Variants in DACH2 observed in about 807,000 individuals in gnomAD.
DACH2 encodes the protein dachshund homolog 2.
In DACH2, 17 loss-of-function variants were observed where a neutral mutation model predicts 35.8. The observed-to-expected ratio is 0.48, with a 90% confidence interval of 0.33 to 0.71. The LOEUF is 0.71. Ranked by LOEUF, DACH2 falls within the 30% of genes least tolerant of loss-of-function variation. DACH2 has a pLI of 0.02. For synonymous variants in DACH2, 195 were observed against 177.3 expected (o/e 1.10, Z -0.79); for missense variants, 469 against 472.7 (o/e 0.99, Z 0.07).
chrX:86,310,212 C>G (rs1190794062), intron 1 of DACH2, among the ~76,000 whole-genome samples: 2 of 112,215 alleles, frequency 1.8e-5, no homozygotes, highest in Non-Finnish European at 3.8e-5. Context: ...TGCTTTCTGA[C>G]CCATCTAGCC....
chrX:86,806,036 T>G (rs2042341224), intron 7 of DACH2, among the ~76,000 whole-genome samples: 1 of 111,781 alleles, frequency 8.9e-6, no homozygotes, highest in African/African-American at 3.3e-5. Flanking sequence ...CCAAAGCTGC[T>G]TCCACGTTTT....
chrX:86,723,334 A>AT (rs60142099), intron 6 of DACH2, among the ~76,000 whole-genome samples: 26,498 of 96,185 alleles, frequency 0.28, 3,077 homozygotes, highest in Admixed American at 0.46. Flanking sequence ...CCTTCTGCTA[A>AT]TTTTTTTTTT....
intron 3 of DACH2, among the ~76,000 whole-genome samples, chrX:86,596,845 A>G (rs2148354463): frequency 9.0e-6 from 1 of 111,670 alleles, no homozygotes; most frequent in South Asian, 3.7e-4. Context: ...AAAGTTTTAT[A>G]GCTTTAGCTG....
chrX:86,705,459 G>T (rs909277743), intron 5 of DACH2, among the ~76,000 whole-genome samples: 2 of 110,800 alleles, frequency 1.8e-5, no homozygotes, highest in African/African-American at 6.6e-5. Context: ...TAAGAAAAAA[G>T]ATATACAAAT....
chrX:86,832,082 T>C, intron 11 of DACH2, 24 bp from the exon 12 acceptor site: 1 of 1,105,959 alleles, frequency 9.0e-7, no homozygotes, highest in Non-Finnish European at 1.2e-6. Flanking sequence ...TCATAAGAAC[T>C]AACTTGTTTT....
At chrX:86,731,832 A>C (rs955384046) in intron 6 of DACH2, among the ~76,000 whole-genome samples, 10 of 111,965 alleles carry the variant, frequency 8.9e-5, no homozygotes, top group African/African-American at 3.2e-4. Context: ...GATTCCAAAG[A>C]AAATATTTAT....
At chrX:86,814,583 C>T in intron 9 of DACH2, 105 bp from the exon 10 acceptor site, 2 of 805,467 alleles carry the variant, frequency 2.5e-6, no homozygotes, top group Non-Finnish European at 3.5e-6. Flanking sequence ...TGAAATATTT[C>T]TATATCTCTC....
chrX:86,611,453 A>G (rs1246473748), intron 3 of DACH2, among the ~76,000 whole-genome samples: 2 of 110,795 alleles, frequency 1.8e-5, no homozygotes, highest in Non-Finnish European at 3.8e-5. Flanking sequence ...CCTTAAGTCC[A>G]CTGGCTTTGA....
intron 1 of DACH2, among the ~76,000 whole-genome samples, chrX:86,196,515 A>G (rs969926173): frequency 9.3e-6 from 1 of 107,997 alleles, no homozygotes; most frequent in African/African-American, 3.4e-5. Context: ...ACACAGTGAA[A>G]CCCCATCTCT....
At chrX:86,597,604 C>T (rs2039729030) in intron 3 of DACH2, among the ~76,000 whole-genome samples, 1 of 111,317 alleles carries the variant, frequency 9.0e-6, no homozygotes, top group African/African-American at 3.3e-5. Flanking sequence ...GAGAATGTTC[C>T]ATCCATATGC....
intron 3 of DACH2, among the ~76,000 whole-genome samples, chrX:86,552,196 T>C (rs2039058676): frequency 9.0e-6 from 1 of 111,323 alleles, no homozygotes; most frequent in Non-Finnish European, 1.9e-5. Context: ...ATTCAACATT[T>C]CTCGACGTGA....
intron 7 of DACH2, among the ~76,000 whole-genome samples, chrX:86,755,593 ATTT>A (rs35672351): frequency 0.061 from 4,752 of 77,481 alleles, 131 homozygotes; most frequent in East Asian, 0.1. Context: ...TCTTGACCTA[ATTT>A]TTTTTTTTTT....
intron 3 of DACH2, among the ~76,000 whole-genome samples, chrX:86,610,384 T>C (rs763587627): frequency 3.1e-5 from 2 of 65,390 alleles, no homozygotes; most frequent in South Asian, 1.9e-3. Context: ...TTTCTTTCTT[T>C]CTTTCTTTCT....
At chrX:86,506,451 T>C (rs754562235) in intron 2 of DACH2, among the ~76,000 whole-genome samples, 1 of 112,079 alleles carries the variant, frequency 8.9e-6, no homozygotes, top group African/African-American at 3.2e-5. Flanking sequence ...TGGAGTGCAG[T>C]GGCACGATCA....
intron 3 of DACH2, among the ~76,000 whole-genome samples, chrX:86,551,727 C>T (rs2039052024): frequency 8.9e-6 from 1 of 112,006 alleles, no homozygotes; most frequent in Admixed American, 9.5e-5. Context: ...TTCACCTCAA[C>T]ATGCAACTTC....
At chrX:86,731,942 G>T (rs745651601) in intron 6 of DACH2, among the ~76,000 whole-genome samples, 3 of 112,170 alleles carry the variant, frequency 2.7e-5, no homozygotes, top group Non-Finnish European at 5.7e-5. Context: ...AACACTGCCC[G>T]TAATGGTAGC....
chrX:86,258,281 T>A (rs2033562591), intron 1 of DACH2, among the ~76,000 whole-genome samples: 1 of 112,126 alleles, frequency 8.9e-6, no homozygotes, highest in Admixed American at 9.5e-5. Context: ...TTCAGGCACA[T>A]TCTAAACTTC....
At chrX:86,385,058 T>C (rs986436965) in intron 2 of DACH2, among the ~76,000 whole-genome samples, 4 of 111,697 alleles carry the variant, frequency 3.6e-5, no homozygotes, top group Admixed American at 1.9e-4. Flanking sequence ...ATTTTCCTTT[T>C]AGCTGGCTAG....
chrX:86,652,247 T>G (rs1442704779), intron 4 of DACH2, among the ~76,000 whole-genome samples: 1 of 112,047 alleles, frequency 8.9e-6, no homozygotes, highest in African/African-American at 3.2e-5. Context: ...ATGGCCTCAC[T>G]CCATCCATGT....
Sources: gnomAD v4.1 joint callset for allele counts (sites outside exome capture counted in the v4.1 genomes callset) on GRCh38, gnomAD v4.1.1 for gene constraint, MANE v1.5 for transcripts, NCBI Gene and HGNC (gene_info 2026-07-23, HGNC 2026-07-21) for gene names.